FAT3: variants seen among roughly 807,000 people sequenced by gnomAD.
FAT3 encodes the protein protocadherin Fat 3.
FAT3 carries 95 observed loss-of-function variants against 310.2 expected under a neutral mutation model. The ratio of observed to expected loss-of-function variants is 0.31; its 90% CI spans 0.26 to 0.36. The LOEUF is 0.36. Among genes scored for constraint, FAT3 ranks in the 10% least tolerant of loss-of-function variants. FAT3 has a pLI of 1.00. For synonymous variants in FAT3, 2,314 were observed against 2,192.9 expected, an observed-to-expected ratio of 1.06 and a Z score of -1.54; for missense variants, 5,408 against 5,715.6, an observed-to-expected ratio of 0.95 and a Z score of 1.74.
rs1948375325 is a variant in FAT3 at position 92,835,216 on chromosome 11, A to G, written c.10086+132A>G. 5 of 671,370 alleles carry G rather than the reference A, an allele frequency of 7.4e-6. No homozygotes were observed. The East Asian group carries it at 1.1e-4, about 15-fold the overall frequency. The allele number at this position is 671,370 out of a possible 1,614,324, so 41.6% of individuals were successfully genotyped here. On this transcript the variant is annotated intron_variant, in intron 15 of 27. Coordinates refer to ENST00000525166, the MANE Select transcript of FAT3 (RefSeq NM_001367949.2). ...TTTCAGTGTCCATTTGTCCCCAAGA[A>G]TAGGAGCCATCTTTCTATGGCTCCT...
chr11:92,832,244 G>C (rs1591792341), intron 14 of FAT3, among the ~76,000 whole-genome samples: 1 of 152,214 alleles, frequency 6.6e-6, no homozygotes, highest in East Asian at 1.9e-4. Context: ...GTTGAGATGG[G>C]AGAATTACTT....
chr11:92,681,879 T>C (rs1943490811), intron 3 of FAT3, among the ~76,000 whole-genome samples: 2 of 152,184 alleles, frequency 1.3e-5, no homozygotes, highest in South Asian at 4.1e-4. Flanking sequence ...CACTGGACAA[T>C]GCAAAGCAAG....
At chr11:92,775,279 A>G (rs752144414) in intron 7 of FAT3, among the ~76,000 whole-genome samples, 1 of 152,186 alleles carries the variant, frequency 6.6e-6, no homozygotes, top group Non-Finnish European at 1.5e-5. Context: ...TTGTTTTATA[A>G]AGGAGAGAGG....
In FAT3 at chr11:92,583,905, G is replaced by T. The variant is rs189272584; in HGVS notation, c.3607+58957G>T. Reference sequence around the variant, plus strand: ...AGAGAGGGAGCAGATGAAGTATTTGGATTGGGGCATCTAGGTTAGACATCT... The same window carrying T: ...AGAGAGGGAGCAGATGAAGTATTTGTATTGGGGCATCTAGGTTAGACATCT... On this transcript the variant is annotated intron_variant, in intron 3 of 27. Transcript: ENST00000525166. Among the ~76,000 whole-genome samples, 359 of 151,116 alleles carry T rather than the reference G, an allele frequency of 2.4e-3. 2 individuals are homozygous for T. Among genetic ancestry groups the T allele is most frequent in the African/African-American group, 8.0e-3 (333 of 41,472 alleles).
At chr11:92,603,360 T>C (rs561417898) in intron 3 of FAT3, among the ~76,000 whole-genome samples, 27 of 152,344 alleles carry the variant, frequency 1.8e-4, no homozygotes, top group African/African-American at 5.8e-4. Flanking sequence ...CACCAAAGCA[T>C]AGATGAGGGA....
intron 2 of FAT3, among the ~76,000 whole-genome samples, chr11:92,429,701 G>C (rs1410229829): frequency 1.3e-5 from 2 of 152,080 alleles, no homozygotes; most frequent in Non-Finnish European, 2.9e-5. Flanking sequence ...TTGAATATTG[G>C]CCCTCACTCT....
chr11:92,847,545 C>A (rs1167307521), intron 19 of FAT3, among the ~76,000 whole-genome samples: 1 of 152,166 alleles, frequency 6.6e-6, no homozygotes, highest in Non-Finnish European at 1.5e-5. Context: ...AATACAATCC[C>A]AGTAAGGCAG....
At chr11:92,309,152 T>A (rs2134449532) in intron 1 of FAT3, among the ~76,000 whole-genome samples, 1 of 140,826 alleles carries the variant, frequency 7.1e-6, no homozygotes. Flanking sequence ...GTGTTATGTT[T>A]CCCCACACCC....
At chr11:92,690,908 C>T (rs1029090983) in intron 3 of FAT3, among the ~76,000 whole-genome samples, 1 of 152,032 alleles carries the variant, frequency 6.6e-6, no homozygotes, top group African/African-American at 2.4e-5. Flanking sequence ...GTGTATTTTC[C>T]CTATTTAAAA....
chr11:92,401,782 G>A (rs1950018516), intron 2 of FAT3, among the ~76,000 whole-genome samples: 1 of 152,160 alleles, frequency 6.6e-6, no homozygotes, highest in Non-Finnish European at 1.5e-5. Flanking sequence ...AGGAGGAGAG[G>A]AACAAAGAAG....
chr11:92,678,907 A>G (rs1943376197), intron 3 of FAT3, among the ~76,000 whole-genome samples: 1 of 152,194 alleles, frequency 6.6e-6, no homozygotes, highest in Non-Finnish European at 1.5e-5. Context: ...CATCACCCAA[A>G]TAACATACAT....
intron 2 of FAT3, among the ~76,000 whole-genome samples, chr11:92,428,637 T>C (rs563262380): frequency 1.3e-5 from 2 of 152,314 alleles, no homozygotes; most frequent in African/African-American, 4.8e-5. Context: ...AATTTCATTA[T>C]TTACTCAGTA....
chr11:92,761,762 C>A (rs1946156471), intron 4 of FAT3, 94 bp from the exon 5 acceptor site: 1 of 1,104,150 alleles, frequency 9.1e-7, no homozygotes, highest in Non-Finnish European at 1.3e-6. Flanking sequence ...GATAGGATAG[C>A]ATTGTCCGTG....
chr11:92,267,933 T>C (rs7107389), intron 1 of FAT3, among the ~76,000 whole-genome samples: 1,601 of 152,168 alleles, frequency 0.011, 22 homozygotes, highest in African/African-American at 0.036. Flanking sequence ...GAAGTAGCGC[T>C]TTGTCTTGTA....
At chr11:92,365,046 T>G (rs7116205) in intron 2 of FAT3, among the ~76,000 whole-genome samples, 52,470 of 152,052 alleles carry the variant, frequency 0.35, 12,013 homozygotes, top group African/African-American at 0.66. Context: ...GATTGCTTGA[T>G]TCCAGGAGTT....
At chr11:92,756,789 C>T (rs1218363671) in intron 4 of FAT3, among the ~76,000 whole-genome samples, 2 of 152,118 alleles carry the variant, frequency 1.3e-5, no homozygotes, top group Non-Finnish European at 2.9e-5. Context: ...TTTGGTCCTA[C>T]GAAGCTCTTG....
At chr11:92,652,934 G>A (rs1051445866) in intron 3 of FAT3, among the ~76,000 whole-genome samples, 3 of 152,110 alleles carry the variant, frequency 2.0e-5, no homozygotes, top group East Asian at 3.9e-4. Flanking sequence ...AAGCCGAGGC[G>A]GGTAGATCAC....
chr11:92,287,891 A>G (rs1946597816), intron 1 of FAT3, among the ~76,000 whole-genome samples: 1 of 152,140 alleles, frequency 6.6e-6, no homozygotes, highest in African/African-American at 2.4e-5. Context: ...CAGGGAAGCC[A>G]CATTTGTTAA....
At chr11:92,815,274 T>C (rs1302311669) in intron 13 of FAT3, among the ~76,000 whole-genome samples, 1 of 151,948 alleles carries the variant, frequency 6.6e-6, no homozygotes, top group Admixed American at 6.6e-5. Context: ...CTTTGAGATT[T>C]AAAAATAAGG....
Sources: gnomAD v4.1 joint callset for allele counts (sites outside exome capture counted in the v4.1 genomes callset) on GRCh38, gnomAD v4.1.1 for gene constraint, MANE v1.5 for transcripts, NCBI Gene and HGNC (gene_info 2026-07-23, HGNC 2026-07-21) for gene names.